The following PEX7 variants were observed in gnomAD, a reference collection of about 807,000 sequenced individuals.
PEX7 encodes peroxisomal biogenesis factor 7.
A neutral mutation model predicts 47.5 loss-of-function variants in PEX7; 34 were observed. The observed-to-expected ratio is 0.72, with a 90% CI of 0.54 to 0.95. The LOEUF is 0.95. Among genes scored for constraint, PEX7 ranks in the 40% least tolerant of loss-of-function variants. PEX7 has a pLI of 0.00. For missense variants in PEX7, 394 were observed against 400.3 expected (o/e 0.98, Z 0.13); for synonymous variants, 141 against 148.8 (o/e 0.95, Z 0.38).
chr6:136,897,985 A>AT (rs1190863915), intron 8 of PEX7, among the ~76,000 whole-genome samples, 157 bp from the exon 9 acceptor site: 1 of 150,374 alleles, frequency 6.7e-6, no homozygotes, highest in East Asian at 1.9e-4. Flanking sequence ...TTCTTATTGG[A>AT]TTTTTTACGT....
intron 9 of PEX7, among the ~76,000 whole-genome samples, chr6:136,899,867 A>G (rs936000978): frequency 1.3e-5 from 2 of 152,262 alleles, no homozygotes; most frequent in African/African-American, 4.8e-5. Context: ...CAAATGAACT[A>G]GTTCCTTTTC....
At chr6:136,864,637 A>G (rs1775025225) in intron 5 of PEX7, among the ~76,000 whole-genome samples, 1 of 152,236 alleles carries the variant, frequency 6.6e-6, no homozygotes, top group African/African-American at 2.4e-5. Context: ...TTAGCTTAAC[A>G]ATATATGATT....
chr6:136,898,396 A>T (rs1423115085), intron 9 of PEX7, among the ~76,000 whole-genome samples, 155 bp downstream of exon 9: 1 of 152,262 alleles, frequency 6.6e-6, no homozygotes, highest in Admixed American at 6.5e-5. Context: ...AGGTATCAAG[A>T]AAGTTGACAT....
chr6:136,822,848 C>CGG, intron 1 of PEX7, 53 bp downstream of exon 1: 3 of 1,234,294 alleles, frequency 2.4e-6, no homozygotes, highest in Non-Finnish European at 2.0e-6. Flanking sequence ...AGGCGGGGGC[C>CGG]AGCCGGGCTC....
chr6:136,865,685 T>C (rs1400260683), intron 5 of PEX7, among the ~76,000 whole-genome samples: 1 of 151,650 alleles, frequency 6.6e-6, no homozygotes, highest in Admixed American at 6.6e-5. Context: ...GGCTGAAGCA[T>C]GAGAATTGCT....
At chr6:136,862,025 A>G (rs1411431071) in intron 5 of PEX7, among the ~76,000 whole-genome samples, 1 of 144,062 alleles carries the variant, frequency 6.9e-6, no homozygotes, top group African/African-American at 2.5e-5. Context: ...GTATTTATAT[A>G]TATATATTTT....
chr6:136,841,840 C>A (rs1164291034), intron 3 of PEX7, among the ~76,000 whole-genome samples: 1 of 151,756 alleles, frequency 6.6e-6, no homozygotes, highest in Non-Finnish European at 1.5e-5. Context: ...CCTGCCTCGG[C>A]CTCCCAAAGT....
chr6:136,866,640 G>A lies in PEX7; in HGVS notation c.540G>A (p.Leu180=). 1 of 1,613,962 alleles carries A rather than the reference G, an allele frequency of 6.2e-7. No individual in the cohort carries two copies. The highest frequency in any genetic ancestry group is 8.5e-7 in the Non-Finnish European group (1 of 1,179,904). ...CFASASGDQT[L]RIWDVKAAGV... ...CCTTTTTACTAGGTGATCAGACTCTGAGAATATGGGATGTGAAGGCAGCAG... is the reference window on the plus strand; with the variant it reads ...CCTTTTTACTAGGTGATCAGACTCTAAGAATATGGGATGTGAAGGCAGCAG... The change falls in exon 6 of 10, where the codon CTG becomes CTA. Residue 180 remains leucine (L), a synonymous_variant. Transcript: ENST00000318471.
chr6:136,854,042 C>T (rs915101133), intron 5 of PEX7, among the ~76,000 whole-genome samples: 1 of 149,240 alleles, frequency 6.7e-6, no homozygotes, highest in African/African-American at 2.5e-5. Context: ...AAGCCTGCAT[C>T]CTTCTTTGGT....
intron 9 of PEX7, among the ~76,000 whole-genome samples, chr6:136,904,656 T>C (rs553173928): frequency 6.0e-5 from 9 of 151,140 alleles, no homozygotes; most frequent in African/African-American, 1.9e-4. Context: ...TTTTTACTGC[T>C]GCCATCCATG....
At chr6:136,902,440 T>C (rs887239082) in intron 9 of PEX7, among the ~76,000 whole-genome samples, 1 of 152,224 alleles carries the variant, frequency 6.6e-6, no homozygotes, top group Non-Finnish European at 1.5e-5. Context: ...ACCTTTCTTC[T>C]TAACAGAATG....
At chr6:136,843,576 A>G (rs1002816280) in intron 3 of PEX7, among the ~76,000 whole-genome samples, 2 of 152,238 alleles carry the variant, frequency 1.3e-5, no homozygotes, top group Non-Finnish European at 2.9e-5. Flanking sequence ...GGCCCTTTAT[A>G]GAAGAAATGT....
chr6:136,863,212 C>CTGTT (rs1429275555), intron 5 of PEX7, among the ~76,000 whole-genome samples: 2 of 152,036 alleles, frequency 1.3e-5, no homozygotes, highest in African/African-American at 4.8e-5. Flanking sequence ...TCAGTTCTGC[C>CTGTT]ATAGAAGAGG....
At chr6:136,839,678 G>T (rs1359561018) in intron 3 of PEX7, among the ~76,000 whole-genome samples, 2 of 152,182 alleles carry the variant, frequency 1.3e-5, no homozygotes, top group Non-Finnish European at 2.9e-5. Context: ...GGACGGGGAG[G>T]TTGGGAATAA....
chr6:136,865,787 T>C (rs1041298498), intron 5 of PEX7, among the ~76,000 whole-genome samples: 3 of 149,450 alleles, frequency 2.0e-5, no homozygotes, highest in Admixed American at 1.3e-4. Context: ...CAAAAAAATA[T>C]CAAAATAAAT....
intron 8 of PEX7, among the ~76,000 whole-genome samples, chr6:136,892,814 T>G (rs1214614226): frequency 6.6e-6 from 1 of 152,236 alleles, no homozygotes; most frequent in Admixed American, 6.5e-5. Flanking sequence ...TTCTGTTTCA[T>G]TAATCACCAG....
intron 8 of PEX7, 34 bp downstream of exon 8, chr6:136,872,287 T>C (rs1204142709): frequency 6.5e-7 from 1 of 1,547,050 alleles, no homozygotes; most frequent in Non-Finnish European, 8.9e-7. Flanking sequence ...CATTGTGAAA[T>C]ACCAGGTAAC....
Position 136,822,601 on chromosome 6 carries a change from A to G in PEX7, c.-65A>G, listed in dbSNP as rs190537612. 2.8e-6 allele frequency: 4 copies of G among 1,424,122 alleles called. No individual in the cohort carries two copies. Among genetic ancestry groups the G allele is most frequent in the East Asian group, 2.6e-5 (1 of 38,978 alleles). The allele number at this position is 1,424,122 out of a possible 1,614,324, so 88.2% of individuals were successfully genotyped here. A position where few individuals can be genotyped will look rare whatever the true frequency, so the allele number is the denominator to read the frequency against. ...TCTGCCTGGTCTCTCTAACCGCGCCAGTGTGCCTCCGACTCGGAACGGCTT... is the reference window on the plus strand; with the variant it reads ...TCTGCCTGGTCTCTCTAACCGCGCCGGTGTGCCTCCGACTCGGAACGGCTT... On this transcript the variant is annotated 5_prime_UTR_variant, in exon 1 of 10. Transcript: ENST00000318471.
rs541934196 is a variant in PEX7 at position 136,822,928 on chromosome 6, A to G, written c.130+133A>G. ...TCCGCGGGTCCACGCCAGGGGGCAG[A>G]AGAGGCGCTGGTCGGCGCTTCTCCT... On this transcript the variant is annotated intron_variant, in intron 1 of 9. Transcript: ENST00000318471. 62 of 1,209,960 alleles carry G rather than the reference A, an allele frequency of 5.1e-5. No homozygotes were observed. The South Asian group carries it at 1.9e-3, about 38-fold the overall frequency. The allele number at this position is 1,209,960 out of a possible 1,614,324, so 75.0% of individuals were successfully genotyped here.
Sources: gnomAD v4.1 joint callset for allele counts (sites outside exome capture counted in the v4.1 genomes callset) on GRCh38, gnomAD v4.1.1 for gene constraint, MANE v1.5 for transcripts, NCBI Gene and HGNC (gene_info 2026-07-23, HGNC 2026-07-21) for gene names.